Variants in OPRM1 observed in about 807,000 individuals in gnomAD.
OPRM1 encodes mu-type opioid receptor.
OPRM1 carries 27 observed loss-of-function variants against 31.8 expected under a neutral mutation model. The observed-to-expected ratio is 0.85, with a 90% CI of 0.63 to 1.17. The LOEUF is 1.17. OPRM1 is among the 50% of genes most tolerant of loss of function. The pLI is 0.00. For synonymous variants in OPRM1, 196 were observed against 189.9 expected, an observed-to-expected ratio of 1.03 and a Z score of -0.26; for missense variants, 536 against 511.1, an observed-to-expected ratio of 1.05 and a Z score of -0.47.
chr6:154,042,041 T>C (rs1780172650), intron 1 of OPRM1, among the ~76,000 whole-genome samples: 1 of 152,178 alleles, frequency 6.6e-6, no homozygotes, highest in African/African-American at 2.4e-5. Flanking sequence ...ATGGTGACGG[T>C]GCATCTTACT....
chr6:154,118,566 G>A, intron 3 of OPRM1, 117 bp from the exon 4 acceptor site: 1 of 878,402 alleles, frequency 1.1e-6, no homozygotes, highest in Non-Finnish European at 1.8e-6. Context: ...GAGGCTTGCA[G>A]GTGAAAGTAT....
chr6:154,181,144 A>G (rs1308773622), intron 3 of OPRM1, among the ~76,000 whole-genome samples: 3 of 152,186 alleles, frequency 2.0e-5, no homozygotes, highest in Non-Finnish European at 1.5e-5. Context: ...ACATAGCAAA[A>G]GATTTGAAAT....
rs1335155504 is a variant in OPRM1, at chr6:154,120,929, AT to A, written c.*2213del. 6.6e-6 allele frequency among the ~76,000 whole-genome samples: 1 copy of A among 152,164 alleles called. No individual in the cohort carries two copies. Among genetic ancestry groups the A allele is most frequent in the African/African-American group, 2.4e-5 (1 of 41,446 alleles). On this transcript the variant is annotated 3_prime_UTR_variant, in exon 4 of 4. Coordinates refer to ENST00000330432, the MANE Select transcript of OPRM1 (RefSeq NM_000914.5). ...CACAGAATACACAATAAAGGGAGTTATTTTTAAAATAAGACATTCTAAAGTA... is the reference window on the plus strand; with the variant it reads ...CACAGAATACACAATAAAGGGAGTTATTTTAAAATAAGACATTCTAAAGTA...
At chr6:154,186,107 C>T (rs1052823170) in intron 3 of OPRM1, among the ~76,000 whole-genome samples, 2 of 152,226 alleles carry the variant, frequency 1.3e-5, no homozygotes, top group Non-Finnish European at 2.9e-5. Flanking sequence ...TCTTCAAATA[C>T]AACTATATGC....
chr6:154,101,232 A>T (rs1433923391), intron 3 of OPRM1, among the ~76,000 whole-genome samples: 2 of 152,154 alleles, frequency 1.3e-5, no homozygotes, highest in Non-Finnish European at 2.9e-5. Context: ...TAATTTGTCG[A>T]CTTAAGAAGA....
In OPRM1 at chr6:154,122,470, T is replaced by C. The variant is rs971578611; in HGVS notation, c.*3749T>C. Among the ~76,000 whole-genome samples the C allele has an allele frequency of 1.4e-4, 22 of 152,178 alleles. No homozygotes were observed. The highest frequency in any genetic ancestry group is 5.1e-4 in the African/African-American group (21 of 41,460). On this transcript the variant is annotated 3_prime_UTR_variant, in exon 4 of 4. Coordinates refer to ENST00000330432, the MANE Select transcript of OPRM1 (RefSeq NM_000914.5). Reference sequence around the variant, plus strand: ...GGATACATAGTCATAGAACAGGGCATGCAGATTGTATTTAAGACCACTGCA... The same window carrying C: ...GGATACATAGTCATAGAACAGGGCACGCAGATTGTATTTAAGACCACTGCA...
intron 1 of OPRM1, among the ~76,000 whole-genome samples, chr6:154,015,084 T>C (rs1360219154): frequency 6.6e-6 from 1 of 152,106 alleles, no homozygotes; most frequent in East Asian, 1.9e-4. Flanking sequence ...AGAAGCAACC[T>C]TATAAGGAGA....
intron 3 of OPRM1, chr6:154,246,585 A>G (rs752474207): frequency 2.0e-5 from 32 of 1,606,922 alleles, no homozygotes; most frequent in Non-Finnish European, 2.4e-5. Flanking sequence ...AAGAAAGCAG[A>G]CTCACCATTT....
intron 3 of OPRM1, among the ~76,000 whole-genome samples, chr6:154,169,614 T>C (rs956408462): frequency 1.3e-5 from 2 of 152,248 alleles, no homozygotes; most frequent in Non-Finnish European, 2.9e-5. Context: ...GTCTGTGGTC[T>C]GTGGTTTTGA....
intron 3 of OPRM1, among the ~76,000 whole-genome samples, chr6:154,202,256 A>C (rs1240487051): frequency 6.6e-6 from 1 of 152,230 alleles, no homozygotes; most frequent in East Asian, 1.9e-4. Context: ...ACATAAAAAA[A>C]ATCCATTCAG....
chr6:154,013,045 A>G (rs1023006756), intron 1 of OPRM1, among the ~76,000 whole-genome samples: 1 of 152,096 alleles, frequency 6.6e-6, no homozygotes, highest in Admixed American at 6.5e-5. Context: ...GGGGGGGTAC[A>G]CAAATAGCAT....
chr6:154,224,665 C>T (rs1485738580), intron 3 of OPRM1, among the ~76,000 whole-genome samples: 1 of 151,958 alleles, frequency 6.6e-6, no homozygotes, highest in Non-Finnish European at 1.5e-5. Context: ...GAGCCAAGAT[C>T]GTGCCACTGC....
At chr6:154,190,936 G>A (rs954581183) in intron 3 of OPRM1, among the ~76,000 whole-genome samples, 1 of 151,996 alleles carries the variant, frequency 6.6e-6, no homozygotes, top group African/African-American at 2.4e-5. Flanking sequence ...GGTACCTATA[G>A]TCCCAGCTAC....
At position 154,231,369 on chromosome 6, in the gene OPRM1, C is replaced by T. The variant is rs577095785; in HGVS notation, c.1165-15324C>T. Reference sequence around the variant, plus strand: ...ATAATAATCAGCAAAAATGCACTTGCCCATTGACCCAGAAATTCCACTTCT... The same window carrying T: ...ATAATAATCAGCAAAAATGCACTTGTCCATTGACCCAGAAATTCCACTTCT... On this transcript the variant is annotated intron_variant, in intron 3 of 3. Coordinates refer to the OPRM1 transcript ENST00000337049. 1.5e-4 allele frequency among the ~76,000 whole-genome samples: 23 copies of T among 152,296 alleles called. 1 individual carries two copies. In the South Asian group the frequency reaches 3.5e-3, roughly 23 times the overall value.
rs181081494 is a variant in OPRM1, at chr6:154,140,206, A to G, written c.1164+48734A>G. On this transcript the variant is annotated intron_variant, in intron 3 of 3. Transcript: ENST00000337049. ...TCGCAACAAAAGAACCACAGCTTTT[A>G]TCCTCCCCAGAGGAAGTAAGACTTT... Among the ~76,000 whole-genome samples, 17 of 152,362 alleles carry G rather than the reference A, an allele frequency of 1.1e-4. No homozygotes were observed. The East Asian group carries it at 2.3e-3, about 21-fold the overall frequency.
chr6:154,235,593 A>G (rs930819698), intron 3 of OPRM1, among the ~76,000 whole-genome samples: 14 of 151,898 alleles, frequency 9.2e-5, no homozygotes, highest in African/African-American at 3.1e-4. Context: ...CACAGTCAGT[A>G]CAACACATAA....
In OPRM1 at chr6:154,120,830, A is replaced by G. The variant is rs558025; in HGVS notation, c.*2109A>G. Reference sequence around the variant, plus strand: ...GTTGAGAGCAACTTTGTCTTCAAGTAGGACCTGATCTATCTTTTTCCACAA... The same window carrying G: ...GTTGAGAGCAACTTTGTCTTCAAGTGGGACCTGATCTATCTTTTTCCACAA... On this transcript the variant is annotated 3_prime_UTR_variant, in exon 4 of 4. Coordinates refer to ENST00000330432, the MANE Select transcript of OPRM1 (RefSeq NM_000914.5). 0.2 allele frequency among the ~76,000 whole-genome samples: 29,758 copies of G among 152,170 alleles called. 3,218 individuals carry two copies. Among genetic ancestry groups the G allele is most frequent in the Non-Finnish European group, 0.25 (17,037 of 67,984 alleles).
chr6:154,224,175 T>C (rs778879746), intron 3 of OPRM1, among the ~76,000 whole-genome samples: 3 of 152,216 alleles, frequency 2.0e-5, no homozygotes, highest in Non-Finnish European at 2.9e-5. Context: ...TGAGTAAAAA[T>C]GGATTTTGAA....
At chr6:154,209,258 A>G (rs957267916) in intron 3 of OPRM1, among the ~76,000 whole-genome samples, 2 of 152,238 alleles carry the variant, frequency 1.3e-5, no homozygotes, top group African/African-American at 4.8e-5. Context: ...TTTAACCAAA[A>G]ACTTGGGGAA....
Sources: allele counts gnomAD v4.1 joint callset (sites outside exome capture counted in the v4.1 genomes callset), GRCh38; gene constraint gnomAD v4.1.1; transcripts MANE v1.5; gene names NCBI Gene and HGNC (gene_info 2026-07-23, HGNC 2026-07-21).